The following HIBCH variants were observed in gnomAD, a reference collection of about 807,000 sequenced individuals.
HIBCH encodes 3-hydroxyisobutyryl-CoA hydrolase, mitochondrial.
In HIBCH, 50 loss-of-function variants were observed where a neutral mutation model predicts 58.2. The ratio of observed to expected loss-of-function variants is 0.86; its 90% CI spans 0.68 to 1.09. The LOEUF is 1.09. HIBCH is among the 50% of genes least tolerant of loss of function. The pLI is 0.00. For missense variants in HIBCH, 450 were observed against 449.7 expected (o/e 1.00, Z -0.01); for synonymous variants, 151 against 146.9 (o/e 1.03, Z -0.20).
intron 6 of HIBCH, among the ~76,000 whole-genome samples, chr2:190,284,073 T>C (rs1687774111): frequency 6.6e-6 from 1 of 152,234 alleles, no homozygotes; most frequent in Admixed American, 6.5e-5. Context: ...CTTAATCCTC[T>C]GGTGGAGTTC....
chr2:190,304,956 T>C lies in HIBCH; in HGVS notation c.78+5798A>G, dbSNP rs751796943. Among the ~76,000 whole-genome samples, 6 of 117,386 alleles carry C rather than the reference T, an allele frequency of 5.1e-5. No homozygotes were observed. Among genetic ancestry groups the C allele is most frequent in the Non-Finnish European group, 7.4e-5 (4 of 53,704 alleles). The allele number at this position is 117,386 out of a possible 152,430, so 77.0% of individuals were successfully genotyped here. A position where few individuals can be genotyped will look rare whatever the true frequency, so the allele number is the denominator to read the frequency against. ...GTTAGAATTGAAGCACAAAAAATCC[T>C]GGGTTCTAGCCTTAAGTCTCTCTAA... On this transcript the variant is annotated intron_variant, in intron 2 of 13. Coordinates refer to ENST00000359678, the MANE Select transcript of HIBCH (RefSeq NM_014362.4). This position sits in a 1 kb window ranked among gnomAD's most constrained non-coding sequence, Gnocchi z 4.1.
chr2:190,240,030 G>T (rs962559370), intron 11 of HIBCH, among the ~76,000 whole-genome samples: 2 of 152,156 alleles, frequency 1.3e-5, no homozygotes, highest in Non-Finnish European at 2.9e-5. Flanking sequence ...AGTTAGGGAG[G>T]AGTCCCTCTT....
chr2:190,226,400 A>C (rs1685897143), intron 11 of HIBCH, among the ~76,000 whole-genome samples: 1 of 152,190 alleles, frequency 6.6e-6, no homozygotes, highest in South Asian at 2.1e-4. Context: ...GTTCGAGACC[A>C]GCCTGACCAA....
At chr2:190,246,969 A>C (rs1008254214) in intron 9 of HIBCH, among the ~76,000 whole-genome samples, 3 of 151,188 alleles carry the variant, frequency 2.0e-5, no homozygotes, top group African/African-American at 4.9e-5. Flanking sequence ...CTATGATTGC[A>C]GCTGATTCAC....
intron 2 of HIBCH, among the ~76,000 whole-genome samples, chr2:190,300,875 A>T (rs901251677): frequency 6.6e-6 from 1 of 152,220 alleles, no homozygotes; most frequent in Non-Finnish European, 1.5e-5. Flanking sequence ...GCATCTGGCT[A>T]GCCAGTTATC....
rs113921392 is a variant in HIBCH at position 190,306,946 on chromosome 2, G to A, written c.78+3808C>T. 5.6e-3 allele frequency among the ~76,000 whole-genome samples: 849 copies of A among 152,262 alleles called. 5 individuals carry two copies. Among genetic ancestry groups the A allele is most frequent in the African/African-American group, 0.019 (806 of 41,544 alleles). On this transcript the variant is annotated intron_variant, in intron 2 of 13. Transcript: ENST00000359678. This position sits in a 1 kb window ranked among gnomAD's most constrained non-coding sequence, Gnocchi z 4.6. ...AGGCTGTCTATTAACCAGGAAGCTG[G>A]CCATCACCAGACACCAAATCCGCTG... is the stretch of plus-strand genomic sequence containing the variant.
downstream of HIBCH, chr2:190,200,023 A>C: frequency 1.9e-6 from 3 of 1,614,134 alleles, no homozygotes; most frequent in Non-Finnish European, 2.5e-6. Flanking sequence ...TCCAGGGACC[A>C]ATACTGTGAT....
intron 7 of HIBCH, among the ~76,000 whole-genome samples, chr2:190,253,741 T>A (rs1216016959): frequency 1.3e-5 from 2 of 152,164 alleles, no homozygotes; most frequent in Admixed American, 6.6e-5. Context: ...AACACCTTTA[T>A]CAAAGTCTTC....
chr2:190,200,480 T>C (rs1037555709), downstream of HIBCH: 1 of 211,570 alleles, frequency 4.7e-6, no homozygotes, highest in African/African-American at 2.4e-5. Context: ...CAAATTCCAA[T>C]GGTTGAAGTT....
Position 190,249,623 on chromosome 2 carries a change from A to T in HIBCH, c.750+17T>A. ...CCCATGAATTAAAACCTGAGGTTAG[A>T]ATATTAACAAGATTACCTCTGTATG... On this transcript the variant is annotated intron_variant, in intron 9 of 13. Coordinates refer to ENST00000359678, the MANE Select transcript of HIBCH (RefSeq NM_014362.4). 6.9e-7 allele frequency: 1 copy of T among 1,439,668 alleles called. No homozygotes were observed. The highest frequency in any genetic ancestry group is 1.4e-5 in the African/African-American group (1 of 71,444). The allele number at this position is 1,439,668 out of a possible 1,614,324, so 89.2% of individuals were successfully genotyped here. A position where few individuals can be genotyped will look rare whatever the true frequency, so the allele number is the denominator to read the frequency against.
intron 11 of HIBCH, among the ~76,000 whole-genome samples, chr2:190,227,620 CT>C (rs1685949033): frequency 6.6e-6 from 1 of 152,068 alleles, no homozygotes; most frequent in East Asian, 1.9e-4. Context: ...AACAGGCAAC[CT>C]ACAGAATGGG....
chr2:190,256,696 C>A (rs1163737918), intron 7 of HIBCH, among the ~76,000 whole-genome samples: 1 of 152,016 alleles, frequency 6.6e-6, no homozygotes, highest in African/African-American at 2.4e-5. Flanking sequence ...AATGTAAGAA[C>A]CAGCAGACAA....
chr2:190,249,509 G>A lies in HIBCH; in HGVS notation c.750+131C>T, dbSNP rs2244075. The A allele has an allele frequency of 0.27, 162,451 of 609,982 alleles. 24,009 individuals carry two copies. The highest frequency in any genetic ancestry group is 0.48 in the East Asian group (16,358 of 34,286). 37.8% of individuals were successfully genotyped at this position (609,982 alleles called of 1,614,324 possible). A position where few individuals can be genotyped will look rare whatever the true frequency, so the allele number is the denominator to read the frequency against. On this transcript the variant is annotated intron_variant, in intron 9 of 13. Transcript: ENST00000359678. The stretch of plus-strand genomic sequence containing the variant: ...TGTGAAGCACTGATTCTTCTGCCAC[G>A]CTTTAAAGTAAATAAATCCTTAGTA...
chr2:190,253,518 C>T (rs1238937060), intron 7 of HIBCH, among the ~76,000 whole-genome samples: 1 of 152,150 alleles, frequency 6.6e-6, no homozygotes, highest in African/African-American at 2.4e-5. Context: ...CCAGCATCAC[C>T]TACCTCAATA....
At position 190,252,165 on chromosome 2, in the gene HIBCH, T is replaced by C; in HGVS notation, c.660A>G (p.Glu220=). 2 of 1,613,818 alleles carry C rather than the reference T, an allele frequency of 1.2e-6. No individual in the cohort carries two copies. Among genetic ancestry groups the C allele is most frequent in the Non-Finnish European group, 1.7e-6 (2 of 1,179,766 alleles). ...ATGCAAACATCTGAAAAAGTACCTTTTCAGAATCTACAAAGTGTGTAGCAA... is the reference window on the plus strand; with the variant it reads ...ATGCAAACATCTGAAAAAGTACCTTCTCAGAATCTACAAAGTGTGTAGCAA... ...AGIATHFVDS[E]KLAMLEEDLL... Residue 220 remains glutamate (E), a synonymous_variant, in exon 8 of 14, where the codon GAA becomes GAG. Coordinates refer to ENST00000359678, the MANE Select transcript of HIBCH (RefSeq NM_014362.4).
At position 190,319,798 on chromosome 2, in the gene HIBCH, C is replaced by T. The variant is rs3749022; in HGVS notation, c.-48G>A. The T allele has an allele frequency of 0.75, 1,187,503 of 1,590,246 alleles. 453,921 individuals are homozygous for T. The highest frequency in any genetic ancestry group is 0.79 in the Non-Finnish European group (923,770 of 1,167,370). On this transcript the variant is annotated 5_prime_UTR_variant, in exon 1 of 14. Coordinates refer to ENST00000359678, the MANE Select transcript of HIBCH (RefSeq NM_014362.4). ...GCAGCAGAGCGAGAATCTCCCGGACCGTTCCAGCGCCTCGCGTGAGCCCCG... is the reference window on the plus strand; with the variant it reads ...GCAGCAGAGCGAGAATCTCCCGGACTGTTCCAGCGCCTCGCGTGAGCCCCG...
At chr2:190,227,280 C>G (rs1262399861) in intron 11 of HIBCH, among the ~76,000 whole-genome samples, 3 of 151,742 alleles carry the variant, frequency 2.0e-5, no homozygotes. Flanking sequence ...TACCACACAT[C>G]TACAACCTTG....
Position 190,207,730 on chromosome 2 carries a change from A to C in HIBCH, c.1045+1150T>G, listed in dbSNP as rs894639515. ...ACCCCGTTTCTACTAAAAATACAAA[A>C]ATCAGCTAGGCGTGGTGGCATGGGC... On this transcript the variant is annotated intron_variant, in intron 13 of 13. Transcript: ENST00000359678. This position sits in a 1 kb window ranked among gnomAD's most constrained non-coding sequence, Gnocchi z 4.5. Among the ~76,000 whole-genome samples the C allele has an allele frequency of 7.2e-5, 11 of 152,000 alleles. No individual in the cohort carries two copies. The highest frequency in any genetic ancestry group is 2.7e-4 in the African/African-American group (11 of 41,370).
rs1012595616 is a variant in HIBCH at position 190,279,899 on chromosome 2, T to C, written c.438+7687A>G. On this transcript the variant is annotated intron_variant, in intron 6 of 13. Coordinates refer to ENST00000359678, the MANE Select transcript of HIBCH (RefSeq NM_014362.4). This position sits in a 1 kb window ranked among gnomAD's most constrained non-coding sequence, Gnocchi z 4.2. ...TAAGTTGCTATCCAATTGGGACAAA[T>C]ACAGAATGTGAGGTCCCGTTCCAGC... is the stretch of plus-strand genomic sequence containing the variant. 5.9e-6 allele frequency: 1 copy of C among 169,354 alleles called. No individual in the cohort carries two copies. Among genetic ancestry groups the C allele is most frequent in the African/African-American group, 2.4e-5 (1 of 41,758 alleles). The allele number at this position is 169,354 out of a possible 1,614,324, so 10.5% of individuals were successfully genotyped here.
Sources: gnomAD v4.1 joint callset for allele counts (sites outside exome capture counted in the v4.1 genomes callset) on GRCh38, gnomAD v4.1.1 for gene constraint, Gnocchi (gnomAD v3.1) non-coding constraint, MANE v1.5 for transcripts, NCBI Gene and HGNC (gene_info 2026-07-23, HGNC 2026-07-21) for gene names.